Variants in RHBDL2 observed in about 807,000 individuals in gnomAD.
RHBDL2 encodes rhomboid like 2, also known as rhomboid-related protein 2.
A neutral mutation model predicts 31.7 loss-of-function variants in RHBDL2; 26 were observed. The observed-to-expected ratio is 0.82, with a 90% CI of 0.60 to 1.14. RHBDL2 has a LOEUF of 1.14. Ranked by LOEUF, RHBDL2 falls within the 50% of genes most tolerant of loss-of-function variation. The pLI, the probability that RHBDL2 is intolerant of heterozygous loss-of-function variation, is 0.00. For synonymous variants in RHBDL2, 123 were observed against 127.2 expected (o/e 0.97, Z 0.22); for missense variants, 336 against 364.4 (o/e 0.92, Z 0.63).
intron 1 of RHBDL2, among the ~76,000 whole-genome samples, chr1:38,931,894 T>C (rs1643443129): frequency 1.3e-5 from 2 of 152,052 alleles, no homozygotes; most frequent in Admixed American, 6.6e-5. Flanking sequence ...AGACGGAGCA[T>C]ATAATTTGCC....
At position 38,911,414 on chromosome 1, in the gene RHBDL2, T is replaced by C; in HGVS notation, c.416A>G (p.Asn139Ser). The change falls in exon 4 of 8, where the codon AAT becomes AGT. Residue 139 changes from asparagine to serine, a missense_variant. Transcript: ENST00000372990. ...VHAGVQHILG[N>S]LCMQLVLGIP... ...ACCCAAAACAAGCTGCATACAAAGA[T>C]TCCCCAAGATGTGCTGAACTCTGCA... 6.2e-7 allele frequency: 1 copy of C among 1,613,684 alleles called. No individual in the cohort carries two copies. Among genetic ancestry groups the C allele is most frequent in the Non-Finnish European group, 8.5e-7 (1 of 1,179,702 alleles).
At chr1:38,929,494 G>C (rs189765746) in intron 1 of RHBDL2, 2 of 1,289,300 alleles carry the variant, frequency 1.6e-6, no homozygotes, top group South Asian at 2.5e-5. Context: ...AGCTTGTGCC[G>C]CTTGCCTAGC....
At chr1:38,904,813 C>CCT (rs1643041096) in intron 4 of RHBDL2, among the ~76,000 whole-genome samples, 2 of 148,912 alleles carry the variant, frequency 1.3e-5, no homozygotes, top group African/African-American at 2.4e-5. Flanking sequence ...GGGCGGATCA[C>CCT]GAGGTCAGGA....
At chr1:38,934,668 A>AG (rs1643472716) in intron 1 of RHBDL2, among the ~76,000 whole-genome samples, 2 of 150,302 alleles carry the variant, frequency 1.3e-5, no homozygotes, top group Non-Finnish European at 1.5e-5. Flanking sequence ...CAAAAAAAAA[A>AG]AAAAAATGGC....
intron 1 of RHBDL2, among the ~76,000 whole-genome samples, chr1:38,938,204 G>A (rs1047412639): frequency 7.3e-5 from 11 of 151,560 alleles, no homozygotes; most frequent in African/African-American, 2.4e-4. Context: ...TTTAGTAGAG[G>A]TGGGGTTTCA....
intron 2 of RHBDL2, among the ~76,000 whole-genome samples, chr1:38,918,431 C>G (rs969714412): frequency 6.6e-6 from 1 of 152,168 alleles, no homozygotes; most frequent in Non-Finnish European, 1.5e-5. Context: ...TTGGGATAGT[C>G]ATCCCACCTC....
intron 1 of RHBDL2, among the ~76,000 whole-genome samples, chr1:38,938,564 G>T (rs1253667653): frequency 6.6e-6 from 1 of 151,850 alleles, no homozygotes; most frequent in Non-Finnish European, 1.5e-5. Flanking sequence ...GTTGTCCCAG[G>T]GAAGTATTAA....
At chr1:38,912,013 C>A (rs1385907996) in intron 3 of RHBDL2, among the ~76,000 whole-genome samples, 1 of 151,830 alleles carries the variant, frequency 6.6e-6, no homozygotes, top group African/African-American at 2.4e-5. Flanking sequence ...CTCTTGTTGC[C>A]CAGGCTGCAG....
chr1:38,927,925 T>C (rs1643395818), intron 1 of RHBDL2, among the ~76,000 whole-genome samples: 1 of 152,018 alleles, frequency 6.6e-6, no homozygotes, highest in Non-Finnish European at 1.5e-5. Context: ...AGGGGAGGGC[T>C]GGGAGAAGAG....
At chr1:38,935,112 C>T (rs1342875054) in intron 1 of RHBDL2, among the ~76,000 whole-genome samples, 1 of 152,016 alleles carries the variant, frequency 6.6e-6, no homozygotes, top group Non-Finnish European at 1.5e-5. Context: ...CATTTTCATC[C>T]AAACCTTAGA....
intron 4 of RHBDL2, among the ~76,000 whole-genome samples, chr1:38,907,725 G>A (rs1315810657): frequency 6.6e-6 from 1 of 152,196 alleles, no homozygotes; most frequent in Non-Finnish European, 1.5e-5. Context: ...AGGCAACCAA[G>A]TGAGACCCTG....
At chr1:38,892,869 C>A (rs913694053) in intron 6 of RHBDL2, among the ~76,000 whole-genome samples, 3 of 152,326 alleles carry the variant, frequency 2.0e-5, no homozygotes, top group South Asian at 2.1e-4. Flanking sequence ...GTCTAAGAAT[C>A]AGGTCTAAAC....
chr1:38,915,728 C>CA lies in RHBDL2; in HGVS notation c.247-19dup, dbSNP rs763694656. On this transcript the variant is annotated intron_variant, in intron 2 of 7. Coordinates refer to ENST00000372990, the MANE Select transcript of RHBDL2 (RefSeq NM_017821.5). Reference sequence around the variant, plus strand: ...ACTGCCAGCTGATGGAGGGAGCAGACATGAGTATTAACCACACCTTCTCCA... The same window carrying CA: ...ACTGCCAGCTGATGGAGGGAGCAGACAATGAGTATTAACCACACCTTCTCCA... 1 of 1,613,904 alleles carries CA rather than the reference C, an allele frequency of 6.2e-7. No homozygotes were observed. The highest frequency in any genetic ancestry group is 8.5e-7 in the Non-Finnish European group (1 of 1,179,944).
intron 1 of RHBDL2, among the ~76,000 whole-genome samples, chr1:38,925,202 G>A (rs1643361382): frequency 6.6e-6 from 1 of 151,890 alleles, no homozygotes; most frequent in African/African-American, 2.4e-5. Flanking sequence ...AAATTACATT[G>A]TAAAGTATAG....
At chr1:38,895,035 C>A (rs992548657) in intron 5 of RHBDL2, among the ~76,000 whole-genome samples, 1 of 152,084 alleles carries the variant, frequency 6.6e-6, no homozygotes, top group African/African-American at 2.4e-5. Context: ...TACTTGTAAA[C>A]ATGAAAAGCA....
At chr1:38,929,692 G>A (rs1643419695) in intron 1 of RHBDL2, 1 of 552,404 alleles carries the variant, frequency 1.8e-6, no homozygotes, top group Admixed American at 6.4e-5. Flanking sequence ...GGGCTGCCAG[G>A]GAGACTTTCG....
chr1:38,909,026 C>G (rs1643105996), intron 4 of RHBDL2, among the ~76,000 whole-genome samples: 1 of 152,184 alleles, frequency 6.6e-6, no homozygotes, highest in Admixed American at 6.6e-5. Flanking sequence ...ACTGCCCCAG[C>G]CAAACTCCGC....
chr1:38,936,632 C>A (rs372021416), intron 1 of RHBDL2, among the ~76,000 whole-genome samples: 27 of 151,426 alleles, frequency 1.8e-4, no homozygotes, highest in African/African-American at 5.8e-4. Context: ...CCCGAATAGC[C>A]GGGATTACAG....
At chr1:38,886,800 G>T (rs1249361049) in intron 7 of RHBDL2, 117 bp from the exon 8 acceptor site, 4 of 795,940 alleles carry the variant, frequency 5.0e-6, no homozygotes, top group Middle Eastern at 2.4e-4. Flanking sequence ...AGTCTTAAAG[G>T]TCTAGAGAAC....
Sources: gnomAD v4.1 joint callset for allele counts (sites outside exome capture counted in the v4.1 genomes callset) on GRCh38, gnomAD v4.1.1 for gene constraint, MANE v1.5 for transcripts, NCBI Gene and HGNC (gene_info 2026-07-23, HGNC 2026-07-21) for gene names.